The following TEAD4 variants were observed in gnomAD, a reference collection of about 807,000 sequenced individuals.
The protein encoded by TEAD4 is transcriptional enhancer factor TEF-3.
A neutral mutation model predicts 52.4 loss-of-function variants in TEAD4; 36 were observed. The observed-to-expected ratio is 0.69, with a 90% CI of 0.53 to 0.91. The LOEUF (loss-of-function observed/expected upper bound fraction) is 0.91. Among genes scored for constraint, TEAD4 ranks in the 40% least tolerant of loss-of-function variants. The probability of loss-of-function intolerance (pLI) is 0.00; values close to 1 mark genes in which losing one functional copy is unlikely to be tolerated. For synonymous variants in TEAD4, 220 were observed against 231.0 expected (o/e 0.95, Z 0.43); for missense variants, 508 against 583.9 (o/e 0.87, Z 1.34).
chr12:2,986,376 G>T (rs535196374), intron 2 of TEAD4, among the ~76,000 whole-genome samples: 78 of 152,042 alleles, frequency 5.1e-4, no homozygotes, highest in Middle Eastern at 3.4e-3. Context: ...GGTGGCTCAC[G>T]CCTGCAATCC....
At chr12:3,006,322 A>T (rs947858628) in intron 3 of TEAD4, among the ~76,000 whole-genome samples, 1 of 152,172 alleles carries the variant, frequency 6.6e-6, no homozygotes, top group Non-Finnish European at 1.5e-5. Context: ...CCAAATTTGA[A>T]AAAAACCCCA....
intron 10 of TEAD4, among the ~76,000 whole-genome samples, chr12:3,023,846 C>T (rs1430429961): frequency 6.6e-6 from 1 of 151,574 alleles, no homozygotes; most frequent in African/African-American, 2.4e-5. Flanking sequence ...CTCCCCACAC[C>T]CAAATCCCAA....
At chr12:3,019,359 C>T (rs906833796) in intron 8 of TEAD4, among the ~76,000 whole-genome samples, 189 bp downstream of exon 8, 1 of 152,230 alleles carries the variant, frequency 6.6e-6, no homozygotes, top group African/African-American at 2.4e-5. Context: ...CAGCCGTGTG[C>T]CAAGCCCCTT....
chr12:3,027,805 T>C (rs1315782411), intron 10 of TEAD4, among the ~76,000 whole-genome samples: 1 of 152,142 alleles, frequency 6.6e-6, no homozygotes, highest in East Asian at 1.9e-4. Flanking sequence ...AGGCAGAGGT[T>C]GTAGTAAGCT....
At chr12:2,997,038 G>A (rs2098247805) in intron 3 of TEAD4, among the ~76,000 whole-genome samples, 1 of 152,164 alleles carries the variant, frequency 6.6e-6, no homozygotes, top group African/African-American at 2.4e-5. Flanking sequence ...TCCTATAAAT[G>A]TCTGGAGGGT....
intron 2 of TEAD4, among the ~76,000 whole-genome samples, chr12:2,983,806 G>A (rs148794356): frequency 2.0e-5 from 3 of 152,252 alleles, no homozygotes; most frequent in East Asian, 1.9e-4. Context: ...ATATCCCTTC[G>A]TTTGTTCATT....
intron 10 of TEAD4, among the ~76,000 whole-genome samples, chr12:3,026,649 G>C (rs2098272314): frequency 6.6e-6 from 1 of 152,186 alleles, no homozygotes; most frequent in Non-Finnish European, 1.5e-5. Context: ...TTTTTAGTTG[G>C]GTAAGTTGCT....
chr12:3,009,788 A>G (rs965753376), intron 3 of TEAD4, among the ~76,000 whole-genome samples: 7 of 152,312 alleles, frequency 4.6e-5, no homozygotes, highest in Admixed American at 6.5e-5. Flanking sequence ...CCTTCCTCTG[A>G]CACAGACGAG....
intron 3 of TEAD4, among the ~76,000 whole-genome samples, chr12:3,005,219 C>T (rs972808514): frequency 1.3e-5 from 2 of 152,218 alleles, no homozygotes; most frequent in African/African-American, 4.8e-5. Flanking sequence ...CTGGGGCGGG[C>T]ATGACGGGGA....
At position 3,012,824 on chromosome 12, in the gene TEAD4, G is replaced by A. The variant is rs535742740; in HGVS notation, c.354+592G>A. Among the ~76,000 whole-genome samples, 3 of 152,336 alleles carry A rather than the reference G, an allele frequency of 2.0e-5. No individual in the cohort carries two copies. The South Asian group carries it at 6.2e-4, about 32-fold the overall frequency. On this transcript the variant is annotated intron_variant, in intron 5 of 12. Transcript: ENST00000359864. Reference sequence around the variant, plus strand: ...CAGGCCTCTGGGACCCTGGAACCAGGGGCCTTTGGGTGAACACTGGGAGGG... The same window carrying A: ...CAGGCCTCTGGGACCCTGGAACCAGAGGCCTTTGGGTGAACACTGGGAGGG...
At position 3,021,893 on chromosome 12, in the gene TEAD4, GCGACCCCTACCT is replaced by G; in HGVS notation, c.777_788del (p.Asp259_Leu262del). On this transcript the variant is annotated inframe_deletion, in exon 10 of 13. Coordinates refer to ENST00000359864, the MANE Select transcript of TEAD4 (RefSeq NM_003213.4). The stretch of plus-strand genomic sequence containing the variant: ...ATTGGCCAGTCCAGCCCAAGCTACA[GCGACCCCTACCT>G]CGAAGCCGTGGACATCCGCCAAATC... The G allele has an allele frequency of 1.2e-6, 2 of 1,614,252 alleles. No individual in the cohort carries two copies. Among genetic ancestry groups the G allele is most frequent in the Non-Finnish European group, 1.7e-6 (2 of 1,180,044 alleles).
intron 2 of TEAD4, among the ~76,000 whole-genome samples, chr12:2,961,710 C>T (rs1711903367): frequency 1.3e-5 from 2 of 152,278 alleles, no homozygotes; most frequent in South Asian, 4.1e-4. Context: ...CAGTGCCTGG[C>T]ACATCCCATG....
At chr12:2,968,961 G>T (rs1027760373) in intron 2 of TEAD4, among the ~76,000 whole-genome samples, 1 of 151,784 alleles carries the variant, frequency 6.6e-6, no homozygotes, top group East Asian at 2.0e-4. Flanking sequence ...GGGCCTGTGA[G>T]TGTCTTAACA....
At position 3,011,035 on chromosome 12, in the gene TEAD4, G is replaced by C. The variant is rs1351833187; in HGVS notation, c.258G>C (p.Lys86Asn). 1 of 1,614,162 alleles carries C rather than the reference G, an allele frequency of 6.2e-7. No individual in the cohort carries two copies. ...ACGAGCTGATTGCCCGCTACATCAA[G>C]CTCCGGACAGGGAAGACCCGCACCA... The change falls in exon 4 of 13, where the codon AAG becomes AAC. Residue 86 changes from lysine (K) to asparagine (N), a missense_variant. Coordinates refer to ENST00000359864, the MANE Select transcript of TEAD4 (RefSeq NM_003213.4).
chr12:2,992,337 C>T (rs2098243823), intron 2 of TEAD4, among the ~76,000 whole-genome samples: 1 of 152,010 alleles, frequency 6.6e-6, no homozygotes, highest in South Asian at 2.1e-4. Context: ...CTTTACGTGT[C>T]AGTGGCTCTA....
Position 2,959,617 on chromosome 12 carries a change from C to A in TEAD4, c.-123+136C>A, listed in dbSNP as rs1465163859. On this transcript the variant is annotated intron_variant, in intron 1 of 12. Coordinates refer to ENST00000359864, the MANE Select transcript of TEAD4 (RefSeq NM_003213.4). The surrounding 1 kb of genome is among the most constrained non-coding windows in gnomAD (Gnocchi z 5.1). The stretch of plus-strand genomic sequence containing the variant: ...CCGCCCGCGTTCCCGCCTTGGACCT[C>A]TGCGCTCCGACGCGCTCCGTCCCGA... 2 of 151,126 alleles carry A rather than the reference C, an allele frequency of 1.3e-5. No homozygotes were observed. The highest frequency in any genetic ancestry group is 6.6e-5 in the Admixed American group (1 of 15,140). The allele number at this position is 151,126 out of a possible 1,614,324, so 9.4% of individuals were successfully genotyped here.
chr12:2,971,445 G>A (rs945627612), intron 2 of TEAD4, among the ~76,000 whole-genome samples: 6 of 151,920 alleles, frequency 3.9e-5, no homozygotes, highest in South Asian at 2.1e-4. Flanking sequence ...TGTTTTTTGC[G>A]GGTTTTATTT....
At chr12:2,995,875 G>A (rs545272961) in intron 3 of TEAD4, among the ~76,000 whole-genome samples, 2 of 152,154 alleles carry the variant, frequency 1.3e-5, no homozygotes, top group South Asian at 4.2e-4. Flanking sequence ...AGGTTTGGTG[G>A]TGCCAGCCTG....
intron 10 of TEAD4, among the ~76,000 whole-genome samples, chr12:3,022,248 G>A (rs565408922): frequency 6.6e-6 from 1 of 152,342 alleles, no homozygotes; most frequent in Non-Finnish European, 1.5e-5. Flanking sequence ...TCTCACGGGT[G>A]GGGATGGCAG....
Sources: allele counts gnomAD v4.1 joint callset (sites outside exome capture counted in the v4.1 genomes callset), GRCh38; gene constraint gnomAD v4.1.1; non-coding constraint Gnocchi (gnomAD v3.1); transcripts MANE v1.5; gene names NCBI Gene and HGNC (gene_info 2026-07-23, HGNC 2026-07-21).